Variants in RPH3A observed in about 807,000 individuals in gnomAD.
The protein encoded by RPH3A is rabphilin 3A, also known as rabphilin-3A.
In RPH3A, 48 loss-of-function variants were observed where a neutral mutation model predicts 102.2. The observed-to-expected ratio is 0.47, with a 90% CI of 0.37 to 0.60. The LOEUF is 0.60. Among genes scored for constraint, RPH3A ranks in the 20% least tolerant of loss-of-function variants. The probability of loss-of-function intolerance (pLI) is 0.00; values close to 1 mark genes in which losing one functional copy is unlikely to be tolerated. For missense variants in RPH3A, 781 were observed against 910.1 expected (o/e 0.86, Z 1.83); for synonymous variants, 310 against 324.3 (o/e 0.96, Z 0.47).
At chr12:112,588,956 A>G (rs780587892) in intron 1 of RPH3A, among the ~76,000 whole-genome samples, 1 of 152,124 alleles carries the variant, frequency 6.6e-6, no homozygotes, top group Non-Finnish European at 1.5e-5. Flanking sequence ...CTAAAGTGAA[A>G]TCTGAAGGAT....
chr12:112,786,785 C>T (rs2041054842), upstream of RPH3A, among the ~76,000 whole-genome samples: 1 of 152,160 alleles, frequency 6.6e-6, no homozygotes, highest in African/African-American at 2.4e-5. Context: ...GGCAGACTTG[C>T]TATATTGGTT....
At chr12:112,797,455 C>T (rs2041254687) in intron 2 of RPH3A, among the ~76,000 whole-genome samples, 1 of 152,098 alleles carries the variant, frequency 6.6e-6, no homozygotes. Context: ...GCTCTTGATG[C>T]CCGGAGTCAT....
At chr12:112,730,368 G>T (rs2040623992) in intron 1 of RPH3A, among the ~76,000 whole-genome samples, 1 of 152,240 alleles carries the variant, frequency 6.6e-6, no homozygotes, top group Non-Finnish European at 1.5e-5. Flanking sequence ...AGCCCCATCA[G>T]GGGTAGCCTC....
Position 112,644,584 on chromosome 12 carries a change from T to C in RPH3A, c.-140+69265T>C, listed in dbSNP as rs114104210. ...ACCTAGAAGATATGGTACAACACCA[T>C]CCATCTCTGCTACAGTGGCTGAGAA... On this transcript the variant is annotated intron_variant, in intron 1 of 21. Coordinates refer to the RPH3A transcript ENST00000543106. Among the ~76,000 whole-genome samples the C allele has an allele frequency of 7.7e-3, 1,166 of 152,314 alleles. 11 individuals carry two copies. Among genetic ancestry groups the C allele is most frequent in the African/African-American group, 0.027 (1,108 of 41,570 alleles).
chr12:112,600,085 C>A (rs1413043586), intron 1 of RPH3A, among the ~76,000 whole-genome samples: 1 of 152,160 alleles, frequency 6.6e-6, no homozygotes, highest in Non-Finnish European at 1.5e-5. Flanking sequence ...TAACCCTGAA[C>A]CCTGAGCCTG....
At chr12:112,843,353 A>G (rs2042177491) in intron 4 of RPH3A, among the ~76,000 whole-genome samples, 3 of 152,130 alleles carry the variant, frequency 2.0e-5, no homozygotes, top group Admixed American at 1.3e-4. Context: ...AATCGGCGAC[A>G]TTTTCAAACA....
chr12:112,847,579 T>C, intron 4 of RPH3A, 117 bp from the exon 5 acceptor site: 3 of 1,144,968 alleles, frequency 2.6e-6, no homozygotes, highest in East Asian at 2.4e-5. Context: ...AGGAGCAGAT[T>C]GAAGCTCTGA....
chr12:112,596,424 A>G (rs1037097300), intron 1 of RPH3A, among the ~76,000 whole-genome samples: 2 of 152,210 alleles, frequency 1.3e-5, no homozygotes, highest in Admixed American at 6.5e-5. Flanking sequence ...GGTTTGTATT[A>G]GTATCCACAT....
rs941335045 is a variant in RPH3A at position 112,874,998 on chromosome 12, C to A, written c.797-86C>A. On this transcript the variant is annotated intron_variant, in intron 10 of 21. Coordinates refer to ENST00000389385, the MANE Select transcript of RPH3A (RefSeq NM_001143854.2). ...CAGTGAAAGTCCAAGGGGCTCACCC[C>A]ACACCAGCTGAGTGGTCCCAAGCTC... 6.0e-6 allele frequency: 7 copies of A among 1,167,480 alleles called. No homozygotes were observed. The African/African-American group carries it at 1.1e-4, about 18-fold the overall frequency. 72.3% of individuals were successfully genotyped at this position (1,167,480 alleles called of 1,614,324 possible).
intron 1 of RPH3A, among the ~76,000 whole-genome samples, chr12:112,697,898 T>C (rs1488386624): frequency 6.6e-6 from 1 of 152,066 alleles, no homozygotes. Flanking sequence ...TTTTTTTTTC[T>C]TTAAAGAAAT....
At chr12:112,843,143 T>C (rs2042173661) in intron 4 of RPH3A, among the ~76,000 whole-genome samples, 1 of 152,198 alleles carries the variant, frequency 6.6e-6, no homozygotes, top group African/African-American at 2.4e-5. Flanking sequence ...CAGAAGCCCT[T>C]GGCAAGGGTC....
At chr12:112,613,510 G>C (rs1334830307) in intron 1 of RPH3A, among the ~76,000 whole-genome samples, 7 of 152,144 alleles carry the variant, frequency 4.6e-5, no homozygotes. Flanking sequence ...AAGGGACTTT[G>C]CAGATGTGAT....
At chr12:112,875,210 A>T (rs1167420499) in intron 11 of RPH3A, 40 bp downstream of exon 11, 1 of 1,501,360 alleles carries the variant, frequency 6.7e-7, no homozygotes, top group Non-Finnish European at 9.0e-7. Flanking sequence ...CCAGGCTGTC[A>T]CTCGGCTGTG....
At chr12:112,767,216 A>G (rs532464599) in intron 1 of RPH3A, among the ~76,000 whole-genome samples, 135 of 152,314 alleles carry the variant, frequency 8.9e-4, no homozygotes, top group African/African-American at 3.2e-3. Context: ...CTTATTGACC[A>G]CCATATCTAG....
chr12:112,847,667 C>T, intron 4 of RPH3A, 29 bp from the exon 5 acceptor site: 1 of 1,610,728 alleles, frequency 6.2e-7, no homozygotes, highest in Non-Finnish European at 8.5e-7. Context: ...TTTCTGCCCA[C>T]CCTCACACCT....
intron 5 of RPH3A, among the ~76,000 whole-genome samples, chr12:112,853,006 G>A (rs2042349181): frequency 6.6e-6 from 1 of 152,172 alleles, no homozygotes; most frequent in South Asian, 2.1e-4. Flanking sequence ...ATTAACCTTG[G>A]CATCCAGACG....
At chr12:112,731,208 G>GT (rs2136048905) in intron 1 of RPH3A, among the ~76,000 whole-genome samples, 1 of 140,582 alleles carries the variant, frequency 7.1e-6, no homozygotes, top group Admixed American at 7.1e-5. Context: ...TGTGTGTGTG[G>GT]ATCAGAGAAA....
intron 1 of RPH3A, among the ~76,000 whole-genome samples, chr12:112,587,387 C>A (rs553729064): frequency 3.3e-5 from 5 of 152,330 alleles, no homozygotes; most frequent in African/African-American, 1.2e-4. Context: ...CAATCATGAG[C>A]TCTGGAATCA....
chr12:112,893,270 C>T (rs1262473986), intron 19 of RPH3A: 4 of 152,200 alleles, frequency 2.6e-5, no homozygotes, highest in Non-Finnish European at 4.4e-5. Context: ...TTTTGCTTAG[C>T]TCTTTGGTAA....
Sources: allele counts gnomAD v4.1 joint callset (sites outside exome capture counted in the v4.1 genomes callset), GRCh38; gene constraint gnomAD v4.1.1; transcripts MANE v1.5; gene names NCBI Gene and HGNC (gene_info 2026-07-23, HGNC 2026-07-21).